NDST4: variants seen among roughly 807,000 people sequenced by gnomAD.
The protein encoded by NDST4 is N-deacetylase and N-sulfotransferase 4.
A neutral mutation model predicts 100.8 loss-of-function variants in NDST4; 63 were observed. That is an observed-to-expected ratio of 0.62 (90% CI 0.51 to 0.77). The LOEUF is 0.77. Ranked by LOEUF, NDST4 falls within the 30% of genes least tolerant of loss-of-function variation. The pLI is 0.00. For missense variants in NDST4, 943 were observed against 1,018.4 expected (o/e 0.93, Z 1.01); for synonymous variants, 377 against 361.8 (o/e 1.04, Z -0.48).
Position 114,935,345 on chromosome 4 carries a change from A to C in NDST4, c.1408-11T>G. 1 of 1,559,960 alleles carries C rather than the reference A, an allele frequency of 6.4e-7. No homozygotes were observed. Among genetic ancestry groups the C allele is most frequent in the Non-Finnish European group, 8.7e-7 (1 of 1,153,912 alleles). The stretch of plus-strand genomic sequence containing the variant: ...CTGTCGAGGGAGGACCTGAGTAAAA[A>C]AGGGGAAAAACAGCACATGGACGTG... On this transcript the variant is annotated splice_polypyrimidine_tract_variant and intron_variant, in intron 5 of 13. Transcript: ENST00000264363.
At chr4:115,053,100 C>A (rs1728619641) in intron 2 of NDST4, among the ~76,000 whole-genome samples, 1 of 151,842 alleles carries the variant, frequency 6.6e-6, no homozygotes, top group Non-Finnish European at 1.5e-5. Flanking sequence ...ATGGAAGCAC[C>A]ACAATATGTT....
rs369518577 is a variant in NDST4, at chr4:114,977,920, T to C, written c.979-646A>G. ...ATGTGACAAACATTTCCCTAGTTTC[T>C]AGATTTGGAATTATACTATGTGAAA... On this transcript the variant is annotated intron_variant, in intron 2 of 13. Coordinates refer to ENST00000264363, the MANE Select transcript of NDST4 (RefSeq NM_022569.3). Among the ~76,000 whole-genome samples, 7 of 152,108 alleles carry C rather than the reference T, an allele frequency of 4.6e-5. No individual in the cohort carries two copies. In the East Asian group the frequency reaches 1.2e-3, roughly 25 times the overall value.
intron 3 of NDST4, among the ~76,000 whole-genome samples, chr4:114,973,440 A>G (rs1209677160): frequency 6.6e-6 from 1 of 151,998 alleles, no homozygotes; most frequent in Non-Finnish European, 1.5e-5. Flanking sequence ...CCATTAAAAT[A>G]TCTGTGCTCA....
At chr4:115,008,822 CA>C (rs1424871482) in intron 2 of NDST4, among the ~76,000 whole-genome samples, 1 of 128,584 alleles carries the variant, frequency 7.8e-6, no homozygotes, top group East Asian at 2.5e-4. Context: ...AGCTGATAAG[CA>C]ACTTCAGCAA....
At chr4:114,959,224 T>C (rs1212376920) in intron 4 of NDST4, among the ~76,000 whole-genome samples, 1 of 152,176 alleles carries the variant, frequency 6.6e-6, no homozygotes, top group Non-Finnish European at 1.5e-5. Flanking sequence ...TCATCTCTTC[T>C]TCTGAGCCTT....
At chr4:114,980,492 A>G (rs1726742902) in intron 2 of NDST4, among the ~76,000 whole-genome samples, 1 of 150,770 alleles carries the variant, frequency 6.6e-6, no homozygotes, top group South Asian at 2.1e-4. Context: ...TAATACAAAA[A>G]TTAGATGGGC....
At chr4:114,904,883 C>T (rs1409672864) in intron 6 of NDST4, among the ~76,000 whole-genome samples, 1 of 151,800 alleles carries the variant, frequency 6.6e-6, no homozygotes, top group African/African-American at 2.4e-5. Context: ...TTATTCTTGC[C>T]TATCCATACA....
At chr4:115,086,785 TAAAG>T (rs1729417953) in intron 1 of NDST4, among the ~76,000 whole-genome samples, 1 of 152,070 alleles carries the variant, frequency 6.6e-6, no homozygotes, top group Non-Finnish European at 1.5e-5. Context: ...TTTTTAAAAA[TAAAG>T]AGTCTAATTT....
chr4:114,967,474 A>G (rs1277419505), intron 4 of NDST4, among the ~76,000 whole-genome samples: 8 of 152,166 alleles, frequency 5.3e-5, no homozygotes, highest in Admixed American at 4.6e-4. Flanking sequence ...AGCTCTCAGC[A>G]TGGCTCTTAA....
rs111604991 is a variant in NDST4 at position 115,062,561 on chromosome 4, A to G, written c.978+13498T>C. Among the ~76,000 whole-genome samples, 1,249 of 151,920 alleles carry G rather than the reference A, an allele frequency of 8.2e-3. 25 individuals are homozygous for G. Among genetic ancestry groups the G allele is most frequent in the African/African-American group, 0.028 (1,162 of 41,474 alleles). The stretch of plus-strand genomic sequence containing the variant: ...ATTAAAAGATATAAAAAGACATGAA[A>G]TATACTATTAGGAGAAGATATCTGC... On this transcript the variant is annotated intron_variant, in intron 2 of 13. Coordinates refer to ENST00000264363, the MANE Select transcript of NDST4 (RefSeq NM_022569.3).
intron 6 of NDST4, among the ~76,000 whole-genome samples, chr4:114,916,477 T>C (rs1324726779): frequency 6.6e-6 from 1 of 151,662 alleles, no homozygotes; most frequent in African/African-American, 2.4e-5. Context: ...TCTTCTTCAA[T>C]TAAAGTAAAA....
intron 6 of NDST4, among the ~76,000 whole-genome samples, chr4:114,875,019 T>C (rs1270919035): frequency 6.6e-6 from 1 of 152,146 alleles, no homozygotes; most frequent in African/African-American, 2.4e-5. Context: ...CTCAGAGATA[T>C]GCATTGATTC....
At chr4:115,077,985 T>C (rs1447943770) in intron 1 of NDST4, among the ~76,000 whole-genome samples, 2 of 152,186 alleles carry the variant, frequency 1.3e-5, no homozygotes, top group African/African-American at 4.8e-5. Flanking sequence ...TTTTGCCTAC[T>C]CTTGTAATAA....
At chr4:114,986,832 A>ATATATATATATATATTTTT in intron 2 of NDST4, among the ~76,000 whole-genome samples, 6 of 94,652 alleles carry the variant, frequency 6.3e-5, no homozygotes, top group Non-Finnish European at 1.3e-4. Context: ...ATATATATAT[A>ATATATATATATATATTTTT]TTTTAATATA....
intron 6 of NDST4, among the ~76,000 whole-genome samples, chr4:114,909,975 T>C (rs1266549151): frequency 6.6e-6 from 1 of 152,210 alleles, no homozygotes; most frequent in African/African-American, 2.4e-5. Context: ...ATTATTTGGC[T>C]ATTGTAAGGG....
chr4:114,950,042 G>C (rs1725955744), intron 4 of NDST4, among the ~76,000 whole-genome samples: 1 of 151,986 alleles, frequency 6.6e-6, no homozygotes, highest in Admixed American at 6.6e-5. Context: ...TAGGAACACG[G>C]GGAGGTGAGA....
chr4:114,876,774 A>G (rs1724262358), intron 6 of NDST4, among the ~76,000 whole-genome samples: 1 of 152,204 alleles, frequency 6.6e-6, no homozygotes, highest in South Asian at 2.1e-4. Flanking sequence ...AAAGTGAAAC[A>G]TTCCAATGAA....
chr4:115,069,279 G>T (rs72898678), intron 2 of NDST4, among the ~76,000 whole-genome samples: 4,040 of 152,178 alleles, frequency 0.027, 185 homozygotes, highest in African/African-American at 0.093. Flanking sequence ...ATTGAGAATT[G>T]GGAAGGATAG....
chr4:115,004,524 A>G (rs778715652), intron 2 of NDST4, among the ~76,000 whole-genome samples: 2 of 152,134 alleles, frequency 1.3e-5, no homozygotes, highest in Non-Finnish European at 2.9e-5. Flanking sequence ...AAGCTTTCTG[A>G]GCTGCGGCTG....
Sources: allele counts gnomAD v4.1 joint callset (sites outside exome capture counted in the v4.1 genomes callset), GRCh38; gene constraint gnomAD v4.1.1; transcripts MANE v1.5; gene names NCBI Gene and HGNC (gene_info 2026-07-23, HGNC 2026-07-21).